GCNA: variants seen among roughly 807,000 people sequenced by gnomAD.
GCNA encodes the protein germ cell nuclear acidic protein.
In GCNA, 3 loss-of-function variants were observed where a neutral mutation model predicts 38.8. The observed-to-expected ratio is 0.08, with a 90% CI of 0.04 to 0.20. GCNA has a LOEUF of 0.20. GCNA is among the 10% of genes least tolerant of loss of function. GCNA has a pLI of 1.00. For missense variants in GCNA, 446 were observed against 578.6 expected, an observed-to-expected ratio of 0.77 and a Z score of 2.35; for synonymous variants, 195 against 240.2, an observed-to-expected ratio of 0.81 and a Z score of 1.74.
chrX:71,601,254 T>C (rs2040712278), intron 7 of GCNA, among the ~76,000 whole-genome samples: 1 of 110,113 alleles, frequency 9.1e-6, no homozygotes, highest in Admixed American at 9.7e-5. Flanking sequence ...TGAGACAGAA[T>C]TGCTGGAACC....
chrX:71,604,793 C>A, intron 8 of GCNA, 117 bp downstream of exon 8: 1 of 1,017,803 alleles, frequency 9.8e-7, no homozygotes, highest in Non-Finnish European at 1.3e-6. Context: ...TCAGCAACTT[C>A]CCTGTGGCCC....
rs754740378 is a variant in GCNA, at chrX:71,594,740, A to G, written c.188-6A>G. On this transcript the variant is annotated splice_region_variant and splice_polypyrimidine_tract_variant and intron_variant, in intron 5 of 12. Coordinates refer to ENST00000373696, the MANE Select transcript of GCNA (RefSeq NM_052957.5). ...TGTTTTCTAATGCCCTCTTTCTCTG[A>G]TTTAGCTGTGGCCAGAAGAGCTCCG... 27 of 1,085,865 alleles carry G rather than the reference A, an allele frequency of 2.5e-5. No individual in the cohort carries two copies. The East Asian group carries it at 7.4e-4, about 30-fold the overall frequency. The allele number at this position is 1,085,865 out of a possible 1,213,427, so 89.5% of individuals were successfully genotyped here. A position where few individuals can be genotyped will look rare whatever the true frequency, so the allele number is the denominator to read the frequency against.
At chrX:71,607,718 TC>T (rs999467005) in intron 9 of GCNA, among the ~76,000 whole-genome samples, 3 of 112,222 alleles carry the variant, frequency 2.7e-5, no homozygotes, top group African/African-American at 9.7e-5. Context: ...ACAGTGGAGA[TC>T]GTAAAAATAG....
intron 2 of GCNA, among the ~76,000 whole-genome samples, chrX:71,591,521 C>G (rs2040628317): frequency 9.8e-6 from 1 of 102,015 alleles, no homozygotes; most frequent in South Asian, 5.0e-4. Context: ...CCAAGAAGTA[C>G]ACCCTTAACG....
intron 10 of GCNA, among the ~76,000 whole-genome samples, chrX:71,609,920 T>C (rs2040797107): frequency 1.8e-5 from 2 of 112,169 alleles, no homozygotes; most frequent in African/African-American, 6.5e-5. Context: ...GGGAAGTTCT[T>C]ACATATTCCT....
At chrX:71,582,556 C>T (rs2040555084) in intron 2 of GCNA, among the ~76,000 whole-genome samples, 1 of 111,376 alleles carries the variant, frequency 9.0e-6, no homozygotes, top group Non-Finnish European at 1.9e-5. Context: ...TTTTGGAGGG[C>T]AGTCTGGCAG....
At chrX:71,590,425 T>C (rs1259606125) in intron 2 of GCNA, among the ~76,000 whole-genome samples, 1 of 111,830 alleles carries the variant, frequency 8.9e-6, no homozygotes, top group African/African-American at 3.3e-5. Flanking sequence ...TTATATAATA[T>C]ATAGTGCTGT....
At chrX:71,599,663 T>C (rs1602177862) in intron 7 of GCNA, among the ~76,000 whole-genome samples, 1 of 112,385 alleles carries the variant, frequency 8.9e-6, no homozygotes, top group African/African-American at 3.2e-5. Context: ...ACGTGGCATT[T>C]CTTTTTGTTA....
chrX:71,612,654 AGAG>A (rs2040821394), intron 12 of GCNA, 95 bp downstream of exon 12: 1 of 915,035 alleles, frequency 1.1e-6, no homozygotes, highest in East Asian at 3.3e-5. Context: ...TCTGAACTGA[AGAG>A]GAGAACCTCT....
chrX:71,610,620 CAAA>C (rs1193077455), intron 10 of GCNA, 58 bp from the exon 11 acceptor site: 13 of 1,168,527 alleles, frequency 1.1e-5, no homozygotes, highest in Admixed American at 5.0e-5. Context: ...GTCTCAAAAA[CAAA>C]AAAACAAAAA....
chrX:71,602,092 C>T (rs1300817781), intron 7 of GCNA, among the ~76,000 whole-genome samples: 1 of 112,284 alleles, frequency 8.9e-6, no homozygotes, highest in Non-Finnish European at 1.9e-5. Flanking sequence ...CAAGGGTTCC[C>T]TTTTCTCCTC....
chrX:71,598,409 G>A (rs1046587544), intron 7 of GCNA, among the ~76,000 whole-genome samples: 1 of 112,026 alleles, frequency 8.9e-6, no homozygotes, highest in Non-Finnish European at 1.9e-5. Context: ...TGGGAATGAC[G>A]AGGAAGAGGA....
At chrX:71,609,412 C>G (rs1175331246) in intron 10 of GCNA, among the ~76,000 whole-genome samples, 4 of 111,732 alleles carry the variant, frequency 3.6e-5, no homozygotes, top group African/African-American at 1.3e-4. Context: ...TGGTAAGTGG[C>G]AAACAGGATG....
In GCNA at chrX:71,603,912, C is replaced by T. The variant is rs747011479; in HGVS notation, c.635C>T (p.Ser212Leu). 1.5e-5 allele frequency: 18 copies of T among 1,205,650 alleles called. No homozygotes were observed. Among genetic ancestry groups the T allele is most frequent in the Middle Eastern group, 4.6e-4 (2 of 4,350 alleles). The change falls in exon 8 of 13, where the codon TCG becomes TTG. Residue 212 changes from serine to leucine, a missense_variant. Transcript: ENST00000373696. ...DDSSDDNSDD[S>L]DVPDDKSDDS... ...TCATCCGACGACAACAGTGATGATT[C>T]GGATGTTCCCGACGACAAGAGTGAT...
intron 2 of GCNA, among the ~76,000 whole-genome samples, chrX:71,582,200 G>GAAGTCGAGGCAGCAGT (rs2040551354): frequency 9.6e-6 from 1 of 104,056 alleles, no homozygotes; most frequent in African/African-American, 3.5e-5. Context: ...CTGAGCCCGG[G>GAAGTCGAGGCAGCAGT]AAGTCGAGGC....
intron 2 of GCNA, among the ~76,000 whole-genome samples, chrX:71,581,602 A>T (rs2040547230): frequency 8.9e-6 from 1 of 112,572 alleles, no homozygotes; most frequent in Non-Finnish European, 1.9e-5. Context: ...CAATGGGGAA[A>T]AATATGGATT....
chrX:71,579,266 G>T (rs2040527031), intron 1 of GCNA, among the ~76,000 whole-genome samples: 1 of 102,397 alleles, frequency 9.8e-6, no homozygotes, highest in African/African-American at 3.6e-5. Flanking sequence ...CAGTGGCAGC[G>T]TGGGGGGAGG....
At chrX:71,606,414 A>C (rs753035022) in intron 9 of GCNA, among the ~76,000 whole-genome samples, 8 of 112,341 alleles carry the variant, frequency 7.1e-5, no homozygotes, top group Non-Finnish European at 1.3e-4. Context: ...TAAGGCAAAA[A>C]ATTAATATAT....
In GCNA at chrX:71,602,827, T is replaced by C. The variant is rs1482634776; in HGVS notation, c.311-761T>C. On this transcript the variant is annotated intron_variant, in intron 7 of 12. Coordinates refer to ENST00000373696, the MANE Select transcript of GCNA (RefSeq NM_052957.5). Reference sequence around the variant, plus strand: ...TTTTTGCTTTGGTTGCCAGTGCTTGTGGGGTATTGCTCAAGAAATTTTTGC... The same window carrying C: ...TTTTTGCTTTGGTTGCCAGTGCTTGCGGGGTATTGCTCAAGAAATTTTTGC... Among the ~76,000 whole-genome samples the C allele has an allele frequency of 2.1e-4, 23 of 111,946 alleles. No homozygotes were observed. The Admixed American group carries it at 2.2e-3, about 11-fold the overall frequency.
Sources: allele counts gnomAD v4.1 joint callset (sites outside exome capture counted in the v4.1 genomes callset), GRCh38; gene constraint gnomAD v4.1.1; transcripts MANE v1.5; gene names NCBI Gene and HGNC (gene_info 2026-07-23, HGNC 2026-07-21).